Variants in WWTR1 observed in about 807,000 individuals in gnomAD.
WWTR1 encodes the protein WW domain-containing transcription regulator protein 1.
Under a neutral mutation model 40.1 loss-of-function variants are expected in WWTR1, and 13 were observed. That is an observed-to-expected ratio of 0.32 (90% CI 0.21 to 0.52). The LOEUF is 0.52. WWTR1 is among the 20% of genes least tolerant of loss of function. The pLI is 0.97. For missense variants in WWTR1, 436 were observed against 523.1 expected (o/e 0.83, Z 1.63); for synonymous variants, 230 against 210.1 (o/e 1.09, Z -0.82).
At chr3:149,640,989 C>A (rs1712141313) in intron 2 of WWTR1, among the ~76,000 whole-genome samples, 1 of 151,960 alleles carries the variant, frequency 6.6e-6, no homozygotes, top group Admixed American at 6.6e-5. Flanking sequence ...CAAAGAAAAA[C>A]CAAATTATTT....
intron 4 of WWTR1, among the ~76,000 whole-genome samples, chr3:149,534,832 T>C (rs539921391): frequency 1.3e-5 from 2 of 152,314 alleles, no homozygotes; most frequent in South Asian, 4.2e-4. Flanking sequence ...AAATACCCTT[T>C]CCTAGCAGCT....
intron 4 of WWTR1, among the ~76,000 whole-genome samples, chr3:149,720,988 T>C (rs1250886200): frequency 6.6e-6 from 1 of 152,192 alleles, no homozygotes; most frequent in African/African-American, 2.4e-5. Flanking sequence ...TTTTGCTGAA[T>C]TTATTAATTG....
chr3:149,640,010 A>AAAAGAAAGAAAGAAAGAAAGAAAGAAAG (rs1179547242), intron 2 of WWTR1, among the ~76,000 whole-genome samples: 3 of 140,344 alleles, frequency 2.1e-5, no homozygotes, highest in Admixed American at 6.9e-5. Flanking sequence ...AAAAAAAAAA[A>AAAAGAAAGAAAGAAAGAAAGAAAGAAAG]AAAGAAAGAA....
chr3:149,558,205 G>T (rs565950991), intron 3 of WWTR1, among the ~76,000 whole-genome samples: 23 of 151,864 alleles, frequency 1.5e-4, no homozygotes, highest in Non-Finnish European at 2.9e-4. Context: ...GGAGAAATGG[G>T]TTTTTTGTGG....
At position 149,717,580 on chromosome 3, in the gene WWTR1, A is replaced by C. The variant is rs1035094434; in HGVS notation, n.460-14T>G. On this transcript the variant is annotated splice_polypyrimidine_tract_variant and intron_variant and non_coding_transcript_variant, in intron 4 of 6. Coordinates refer to the WWTR1 transcript ENST00000474080. ...GAGGAGAAAATCCTGCAGTGGAGGG[A>C]AAAAGGATTTGTGTCTCTGAGAAAG... The C allele has an allele frequency of 3.3e-5, 5 of 152,186 alleles. No individual in the cohort carries two copies. In the East Asian group the frequency reaches 9.6e-4, roughly 29 times the overall value. 9.4% of individuals were successfully genotyped at this position (152,186 alleles called of 1,614,324 possible). A position where few individuals can be genotyped will look rare whatever the true frequency, so the allele number is the denominator to read the frequency against.
intron 4 of WWTR1, among the ~76,000 whole-genome samples, chr3:149,723,513 G>A (rs1466683036): frequency 6.6e-6 from 1 of 152,114 alleles, no homozygotes; most frequent in Admixed American, 6.5e-5. Context: ...TGTTTTTGTT[G>A]TTGTTGTTGT....
At chr3:149,651,531 A>G (rs1018958262) in intron 2 of WWTR1, among the ~76,000 whole-genome samples, 2 of 152,230 alleles carry the variant, frequency 1.3e-5, no homozygotes, top group Non-Finnish European at 2.9e-5. Context: ...TTGAGATCAT[A>G]ATAATGGCAA....
intron 3 of WWTR1, among the ~76,000 whole-genome samples, chr3:149,567,164 T>G (rs1230625689): frequency 6.6e-6 from 1 of 151,298 alleles, no homozygotes; most frequent in African/African-American, 2.4e-5. Flanking sequence ...CACCATGGTT[T>G]ATGATCACTA....
At chr3:149,683,110 G>A (rs142757390) in intron 1 of WWTR1, among the ~76,000 whole-genome samples, 3 of 152,182 alleles carry the variant, frequency 2.0e-5, no homozygotes, top group Non-Finnish European at 2.9e-5. Context: ...CAAAGAGTGC[G>A]ACTGCCAAGT....
intron 2 of WWTR1, among the ~76,000 whole-genome samples, chr3:149,623,619 T>C (rs1270741547): frequency 1.3e-5 from 2 of 152,238 alleles, no homozygotes; most frequent in East Asian, 3.9e-4. Flanking sequence ...TTCTACGAAC[T>C]TGCATTCTGA....
At chr3:149,684,714 C>T (rs1239454041) in intron 1 of WWTR1, among the ~76,000 whole-genome samples, 1 of 152,132 alleles carries the variant, frequency 6.6e-6, no homozygotes, top group Non-Finnish European at 1.5e-5. Context: ...TAGTTGTGTG[C>T]TATCACACCC....
chr3:149,616,441 TCTC>T (rs1236969862), intron 2 of WWTR1, among the ~76,000 whole-genome samples: 13 of 150,656 alleles, frequency 8.6e-5, no homozygotes, highest in Non-Finnish European at 1.8e-4. Flanking sequence ...TCTCTCTCTC[TCTC>T]TTTTTTTTTT....
chr3:149,696,919 G>C (rs745437620), intron 1 of WWTR1, among the ~76,000 whole-genome samples: 7 of 151,972 alleles, frequency 4.6e-5, no homozygotes, highest in Non-Finnish European at 8.8e-5. Context: ...AAAACATCAG[G>C]CTTAAGATTA....
At chr3:149,619,665 T>C (rs1005337128) in intron 2 of WWTR1, among the ~76,000 whole-genome samples, 1 of 152,090 alleles carries the variant, frequency 6.6e-6, no homozygotes, top group African/African-American at 2.4e-5. Flanking sequence ...TGGTTGATGA[T>C]TTCTTCAATC....
chr3:149,671,136 A>C (rs1205524561), intron 1 of WWTR1, among the ~76,000 whole-genome samples: 1 of 152,132 alleles, frequency 6.6e-6, no homozygotes, highest in Non-Finnish European at 1.5e-5. Context: ...TATTTAACTC[A>C]TGAATCCTCA....
intron 2 of WWTR1, among the ~76,000 whole-genome samples, chr3:149,629,432 A>G (rs1051444034): frequency 2.0e-5 from 3 of 152,222 alleles, no homozygotes; most frequent in African/African-American, 7.2e-5. Flanking sequence ...GGAATCTGCT[A>G]AGCGAAGCTA....
chr3:149,653,611 G>A (rs549191781), intron 2 of WWTR1, among the ~76,000 whole-genome samples: 1 of 152,278 alleles, frequency 6.6e-6, no homozygotes, highest in East Asian at 1.9e-4. Flanking sequence ...TGCAGAAAGT[G>A]ATTACATCAT....
intron 4 of WWTR1, among the ~76,000 whole-genome samples, chr3:149,535,016 C>T (rs1170186354): frequency 6.6e-6 from 1 of 152,128 alleles, no homozygotes; most frequent in Non-Finnish European, 1.5e-5. Flanking sequence ...AAGTAAACGG[C>T]AGCTGAAAGC....
intron 5 of WWTR1, among the ~76,000 whole-genome samples, chr3:149,709,980 G>T (rs898809357): frequency 6.6e-6 from 1 of 152,172 alleles, no homozygotes; most frequent in African/African-American, 2.4e-5. Context: ...TTTAGGAACG[G>T]AATGAGGCTG....
Sources: allele counts gnomAD v4.1 joint callset (sites outside exome capture counted in the v4.1 genomes callset), GRCh38; gene constraint gnomAD v4.1.1; transcripts MANE v1.5; gene names NCBI Gene and HGNC (gene_info 2026-07-23, HGNC 2026-07-21).